PVT1: variants seen among roughly 807,000 people sequenced by gnomAD.
PVT1 encodes the protein CXCR4/PVT1 fusion.
chr8:127,955,233 A>G (rs13256257), intron 3 of PVT1, among the ~76,000 whole-genome samples: 16,111 of 152,266 alleles, frequency 0.11, 970 homozygotes, highest in Non-Finnish European at 0.14. Flanking sequence ...GTGTGGACAC[A>G]GTGAAAAGAC....
intron 5 of PVT1, among the ~76,000 whole-genome samples, chr8:128,074,201 T>C (rs1056195601): frequency 6.6e-6 from 1 of 152,138 alleles, no homozygotes; most frequent in Non-Finnish European, 1.5e-5. Context: ...TGCCACATTT[T>C]GCCCATATAG....
chr8:127,916,976 G>A (rs1586434810), intron 3 of PVT1, among the ~76,000 whole-genome samples: 1 of 152,178 alleles, frequency 6.6e-6, no homozygotes, highest in African/African-American at 2.4e-5. Flanking sequence ...AGCTTTAGAT[G>A]TTAGGATGGA....
intron 2 of PVT1, among the ~76,000 whole-genome samples, chr8:127,840,198 G>T (rs552795647): frequency 2.0e-5 from 3 of 152,322 alleles, no homozygotes; most frequent in African/African-American, 7.2e-5. Context: ...GGTTTGAGCA[G>T]ATGTGTGCAT....
chr8:127,841,247 A>G (rs2129715563), intron 2 of PVT1, among the ~76,000 whole-genome samples: 1 of 152,286 alleles, frequency 6.6e-6, no homozygotes, highest in Middle Eastern at 3.4e-3. Context: ...AAGGGGAGGT[A>G]GGTACTATTA....
intron 2 of PVT1, among the ~76,000 whole-genome samples, chr8:127,847,058 A>G (rs1021211448): frequency 2.2e-5 from 3 of 135,928 alleles, no homozygotes; most frequent in African/African-American, 8.5e-5. Flanking sequence ...GCTGGAGTGC[A>G]GTGGTGAGAT....
chr8:128,086,822 T>A (rs1053377343), intron 5 of PVT1, among the ~76,000 whole-genome samples: 1 of 152,238 alleles, frequency 6.6e-6, no homozygotes, highest in Non-Finnish European at 1.5e-5. Context: ...ATATTGTCCC[T>A]TGGGCTGCAT....
chr8:127,925,691 G>T (rs1156313038), intron 3 of PVT1, among the ~76,000 whole-genome samples: 1 of 151,998 alleles, frequency 6.6e-6, no homozygotes, highest in Non-Finnish European at 1.5e-5. Context: ...GCCCAGGCTG[G>T]AGTGCAGTGG....
At chr8:128,094,857 G>A (rs1814406698) in intron 5 of PVT1, among the ~76,000 whole-genome samples, 1 of 152,144 alleles carries the variant, frequency 6.6e-6, no homozygotes, top group Non-Finnish European at 1.5e-5. Context: ...CCACCTTCCT[G>A]CTCCAGAGCC....
At chr8:127,884,224 T>A (rs556447222) in intron 2 of PVT1, among the ~76,000 whole-genome samples, 1 of 152,336 alleles carries the variant, frequency 6.6e-6, no homozygotes, top group South Asian at 2.1e-4. Flanking sequence ...GTACTTAATC[T>A]AAATAACATC....
chr8:127,933,566 G>A (rs921932002), intron 3 of PVT1, among the ~76,000 whole-genome samples: 2 of 152,208 alleles, frequency 1.3e-5, no homozygotes, highest in Non-Finnish European at 2.9e-5. Context: ...TGTGTGCTGT[G>A]TACAGGGTGG....
chr8:127,857,401 G>A (rs925060071), intron 2 of PVT1, among the ~76,000 whole-genome samples: 3 of 152,112 alleles, frequency 2.0e-5, no homozygotes, highest in African/African-American at 7.2e-5. Flanking sequence ...GCTGGGGCAT[G>A]GTGGCTCCTG....
At chr8:128,028,361 G>C (rs1813344934) in intron 4 of PVT1, among the ~76,000 whole-genome samples, 1 of 152,232 alleles carries the variant, frequency 6.6e-6, no homozygotes, top group South Asian at 2.1e-4. Flanking sequence ...GGCTGGGGCT[G>C]TTCCCACAGC....
chr8:127,910,893 T>TTGTG (rs537562200), intron 3 of PVT1, among the ~76,000 whole-genome samples: 2,243 of 140,696 alleles, frequency 0.016, 40 homozygotes, highest in African/African-American at 0.054. Context: ...GTGTGTGTGT[T>TTGTG]TGTGTGTGTG....
At chr8:128,030,333 T>C (rs1813373860) in intron 4 of PVT1, among the ~76,000 whole-genome samples, 2 of 152,216 alleles carry the variant, frequency 1.3e-5, no homozygotes, top group South Asian at 4.1e-4. Flanking sequence ...TCATATTAAA[T>C]TCTTGCATAT....
At chr8:128,002,006 A>G (rs1382869432) in intron 4 of PVT1, among the ~76,000 whole-genome samples, 2 of 152,188 alleles carry the variant, frequency 1.3e-5, no homozygotes, top group East Asian at 1.9e-4. Context: ...TTCAGACTGT[A>G]GCAGCTCCCC....
In PVT1 at chr8:127,817,136, C is replaced by T. The variant is rs115876721; in HGVS notation, n.372+21065C>T. Among the ~76,000 whole-genome samples the T allele has an allele frequency of 5.7e-3, 858 of 151,724 alleles. 8 individuals carry two copies. Among genetic ancestry groups the T allele is most frequent in the African/African-American group, 0.02 (812 of 41,340 alleles). ...TGTTGGATTTTCCTGGGATTGTAGA[C>T]TCTCAAATTTGGAATGGACTTCTAT... is the stretch of plus-strand genomic sequence containing the variant. On this transcript the variant is annotated intron_variant and non_coding_transcript_variant, in intron 2 of 10. Coordinates refer to ENST00000651587, the Ensembl canonical transcript of PVT1.
At chr8:127,986,306 G>A (rs1254843686) in intron 3 of PVT1, among the ~76,000 whole-genome samples, 2 of 152,178 alleles carry the variant, frequency 1.3e-5, no homozygotes, top group African/African-American at 4.8e-5. Context: ...GAGTCAGCCT[G>A]TCCTTGGCAC....
chr8:127,855,835 G>A (rs1332988378), intron 2 of PVT1, among the ~76,000 whole-genome samples: 3 of 152,242 alleles, frequency 2.0e-5, no homozygotes, highest in Non-Finnish European at 4.4e-5. Context: ...GAGGAGCGGA[G>A]GCATGAAAGG....
chr8:127,835,702 C>A (rs1271214060), intron 2 of PVT1, among the ~76,000 whole-genome samples: 2 of 152,176 alleles, frequency 1.3e-5, no homozygotes, highest in Admixed American at 1.3e-4. Flanking sequence ...CAGCCTGTTC[C>A]TGTTGATCGA....
Sources: gnomAD v4.1 joint callset for allele counts (sites outside exome capture counted in the v4.1 genomes callset) on GRCh38, gnomAD v4.1.1 for gene constraint, MANE v1.5 for transcripts, NCBI Gene and HGNC (gene_info 2026-07-23, HGNC 2026-07-21) for gene names.